The following SORCS3 variants were observed in gnomAD, a reference collection of about 807,000 sequenced individuals.
SORCS3 encodes the protein VPS10 domain-containing receptor SorCS3.
A neutral mutation model predicts 146.3 loss-of-function variants in SORCS3; 57 were observed. The ratio of observed to expected loss-of-function variants is 0.39; its 90% CI spans 0.31 to 0.49. The LOEUF (loss-of-function observed/expected upper bound fraction) is 0.49. SORCS3 is among the 20% of genes least tolerant of loss of function. The probability of loss-of-function intolerance (pLI) is 0.92; values close to 1 mark genes in which losing one functional copy is unlikely to be tolerated. For missense variants in SORCS3, 1,341 were observed against 1,575.5 expected, an observed-to-expected ratio of 0.85 and a Z score of 2.52; for synonymous variants, 653 against 618.5, an observed-to-expected ratio of 1.06 and a Z score of -0.83.
Position 105,211,157 on chromosome 10 carries a change from A to C in SORCS3, c.2282A>C (p.His761Pro). The change falls in exon 17 of 27, where the codon CAT becomes CCT. Residue 761 changes from histidine (H) to proline (P), a missense_variant. Transcript: ENST00000369701. ...GACAGTGACTATGGGTATGAGAGAC[A>C]TGGGGAGAGCCAGTGTGTCCCAGCT... Reference protein sequence around the residue: ...DFECDYGYERHGESQCVPAFW... With the variant: ...DFECDYGYERPGESQCVPAFW... 6.2e-7 allele frequency: 1 copy of C among 1,613,998 alleles called. No individual in the cohort carries two copies. The highest frequency in any genetic ancestry group is 8.5e-7 in the Non-Finnish European group (1 of 1,179,848).
intron 1 of SORCS3, among the ~76,000 whole-genome samples, chr10:104,695,363 C>T (rs574051723): frequency 1.3e-4 from 20 of 148,932 alleles, no homozygotes; most frequent in African/African-American, 4.0e-4. Context: ...GAAACTTAGT[C>T]GATGGTTACC....
intron 2 of SORCS3, among the ~76,000 whole-genome samples, chr10:104,858,964 G>C (rs1358330811): frequency 6.9e-6 from 1 of 144,352 alleles, no homozygotes; most frequent in South Asian, 2.2e-4. Flanking sequence ...CAACAAAAAA[G>C]AAGTGCACAT....
chr10:105,225,880 G>C (rs578093270), intron 20 of SORCS3, among the ~76,000 whole-genome samples: 1 of 151,904 alleles, frequency 6.6e-6, no homozygotes, highest in East Asian at 1.9e-4. Context: ...GTTTTAATTG[G>C]TATGTAACAC....
At chr10:104,985,863 A>T in intron 4 of SORCS3, among the ~76,000 whole-genome samples, 1 of 150,398 alleles carries the variant, frequency 6.6e-6, no homozygotes, top group African/African-American at 2.5e-5. Flanking sequence ...TCAGTAAACT[A>T]TACTTAAACA....
At chr10:104,760,882 TC>T (rs2133476345) in intron 1 of SORCS3, among the ~76,000 whole-genome samples, 1 of 152,132 alleles carries the variant, frequency 6.6e-6, no homozygotes, top group East Asian at 1.9e-4. Flanking sequence ...CAATGAGGAT[TC>T]TGAAGTACTG....
intron 6 of SORCS3, among the ~76,000 whole-genome samples, chr10:105,095,387 A>G (rs954814751): frequency 2.6e-5 from 4 of 152,172 alleles, no homozygotes; most frequent in Non-Finnish European, 4.4e-5. Context: ...ATCAGTGATG[A>G]GGTCAGGTAA....
intron 5 of SORCS3, among the ~76,000 whole-genome samples, chr10:105,078,980 G>A (rs11595745): frequency 6.6e-6 from 1 of 152,136 alleles, no homozygotes; most frequent in Admixed American, 6.5e-5. Context: ...ATGATTCTCA[G>A]CTCTGACTTC....
intron 1 of SORCS3, among the ~76,000 whole-genome samples, chr10:104,706,972 A>G (rs1055201208): frequency 2.2e-4 from 33 of 152,292 alleles, no homozygotes; most frequent in African/African-American, 7.9e-4. Context: ...GACAGAGACT[A>G]AAGTTTTTCA....
At chr10:104,761,289 C>T (rs2017119355) in intron 1 of SORCS3, among the ~76,000 whole-genome samples, 1 of 152,268 alleles carries the variant, frequency 6.6e-6, no homozygotes, top group Non-Finnish European at 1.5e-5. Context: ...AAAAAGTCAG[C>T]AGAGGCACTG....
At chr10:104,762,959 T>G (rs1458544831) in intron 1 of SORCS3, among the ~76,000 whole-genome samples, 1 of 152,230 alleles carries the variant, frequency 6.6e-6, no homozygotes, top group Non-Finnish European at 1.5e-5. Flanking sequence ...CCAGAGTTTC[T>G]GAGTCATTGG....
At chr10:105,108,035 G>T (rs2055835044) in intron 7 of SORCS3, among the ~76,000 whole-genome samples, 1 of 112,624 alleles carries the variant, frequency 8.9e-6, no homozygotes, top group Admixed American at 9.4e-5. Context: ...ATGAATATTT[G>T]CTTTCTATCT....
chr10:105,058,133 G>T (rs180823590), intron 5 of SORCS3, among the ~76,000 whole-genome samples: 10 of 152,306 alleles, frequency 6.6e-5, no homozygotes, highest in Admixed American at 4.6e-4. Flanking sequence ...GAGAGAGATG[G>T]AACCCCTGGG....
intron 7 of SORCS3, among the ~76,000 whole-genome samples, chr10:105,117,215 G>A (rs2055899903): frequency 6.6e-6 from 1 of 151,964 alleles, no homozygotes; most frequent in African/African-American, 2.4e-5. Context: ...CTCCCTCCCT[G>A]TTTCCTGCTT....
intron 3 of SORCS3, among the ~76,000 whole-genome samples, chr10:104,931,580 A>G (rs1044010146): frequency 6.6e-6 from 1 of 152,202 alleles, no homozygotes; most frequent in South Asian, 2.1e-4. Flanking sequence ...AAAAGTCCAA[A>G]TTGGAGAATG....
At chr10:104,794,349 G>A (rs2017527298) in intron 1 of SORCS3, among the ~76,000 whole-genome samples, 3 of 152,076 alleles carry the variant, frequency 2.0e-5, no homozygotes, top group Admixed American at 2.0e-4. Context: ...GTTGATGGCT[G>A]GGGCTTTTTC....
At chr10:105,043,295 G>A (rs2055350133) in intron 5 of SORCS3, among the ~76,000 whole-genome samples, 167 bp downstream of exon 5, 1 of 152,094 alleles carries the variant, frequency 6.6e-6, no homozygotes, top group African/African-American at 2.4e-5. Flanking sequence ...CTGGGGACTT[G>A]TTAGAAATGC....
chr10:105,256,916 G>A lies in SORCS3; in HGVS notation c.3435G>A (p.Lys1145=), dbSNP rs781470798. ...FVGLAVFLIY[K]FKRKIPWINI... ...GCCTGGCTGTGTTTTTGATCTACAA[G>A]TTTAAAAGGTATGTCCTATTATCAC... The change falls in exon 25 of 27, where the codon AAG becomes AAA. Residue 1145 remains lysine (K), a synonymous_variant. Transcript: ENST00000369701. The A allele has an allele frequency of 1.2e-6, 2 of 1,612,346 alleles. No individual in the cohort carries two copies. The highest frequency in any genetic ancestry group is 1.7e-5 in the Admixed American group (1 of 60,014).
At chr10:105,226,686 T>C (rs1429788660) in intron 20 of SORCS3, among the ~76,000 whole-genome samples, 1 of 152,032 alleles carries the variant, frequency 6.6e-6, no homozygotes, top group Non-Finnish European at 1.5e-5. Context: ...CATCTGATCA[T>C]AGACTTTTCT....
At chr10:105,051,669 T>A (rs2055414082) in intron 5 of SORCS3, among the ~76,000 whole-genome samples, 1 of 152,092 alleles carries the variant, frequency 6.6e-6, no homozygotes, top group South Asian at 2.1e-4. Context: ...TGAAGCTGCC[T>A]CTAAATGTGC....
Sources: allele counts gnomAD v4.1 joint callset (sites outside exome capture counted in the v4.1 genomes callset), GRCh38; gene constraint gnomAD v4.1.1; transcripts MANE v1.5; gene names NCBI Gene and HGNC (gene_info 2026-07-23, HGNC 2026-07-21).